GLIS3: variants seen among roughly 807,000 people sequenced by gnomAD.
GLIS3 encodes the protein zinc finger protein GLIS3.
Under a neutral mutation model 78.6 loss-of-function variants are expected in GLIS3, and 53 were observed. The observed-to-expected ratio is 0.67, with a 90% CI of 0.54 to 0.85. The LOEUF is 0.85. GLIS3 is among the 40% of genes least tolerant of loss of function. The pLI, the probability that GLIS3 is intolerant of heterozygous loss-of-function variation, is 0.00. For missense variants in GLIS3, 1,703 were observed against 1,231.1 expected (o/e 1.38, Z -5.74); for synonymous variants, 684 against 509.9 (o/e 1.34, Z -4.60).
intron 2 of GLIS3, among the ~76,000 whole-genome samples, chr9:4,315,617 A>G (rs1312692029): frequency 1.3e-5 from 2 of 152,104 alleles, no homozygotes; most frequent in African/African-American, 2.4e-5. Flanking sequence ...GAAGACATAC[A>G]CTCAGAACAC....
At chr9:3,881,704 G>A (rs1013001860) in intron 7 of GLIS3, among the ~76,000 whole-genome samples, 7 of 152,060 alleles carry the variant, frequency 4.6e-5, no homozygotes, top group East Asian at 1.9e-4. Context: ...TCATTCAGCC[G>A]TTATTTTTAT....
the GLIS3 span, among the ~76,000 whole-genome samples, chr9:4,407,279 T>A: frequency 1.3e-5 from 2 of 152,208 alleles, no homozygotes; most frequent in Non-Finnish European, 2.9e-5. Flanking sequence ...TCTCACCATA[T>A]ACAAAAATCA....
At chr9:4,372,185 G>C in the GLIS3 span, among the ~76,000 whole-genome samples, 1 of 152,200 alleles carries the variant, frequency 6.6e-6, no homozygotes, top group African/African-American at 2.4e-5. Flanking sequence ...GAAAGAGAGA[G>C]TGCCAGTTTC....
intron 8 of GLIS3, among the ~76,000 whole-genome samples, chr9:3,869,423 T>C (rs1820832135): frequency 6.6e-6 from 1 of 152,198 alleles, no homozygotes; most frequent in Non-Finnish European, 1.5e-5. Context: ...GTGAGAATGG[T>C]GAGTGTCAGG....
chr9:4,361,380 CCTTCTG>C, the GLIS3 span, among the ~76,000 whole-genome samples: 7 of 152,172 alleles, frequency 4.6e-5, no homozygotes, highest in Non-Finnish European at 8.8e-5. Context: ...TTCTCCTTCT[CCTTCTG>C]ACCAATCTTG....
At chr9:4,360,908 C>A in the GLIS3 span, among the ~76,000 whole-genome samples, 1 of 152,184 alleles carries the variant, frequency 6.6e-6, no homozygotes, top group African/African-American at 2.4e-5. Context: ...CAAGAGGAAA[C>A]AGAGGAATAT....
intron 4 of GLIS3, among the ~76,000 whole-genome samples, chr9:4,043,360 T>C (rs1455093908): frequency 6.6e-6 from 1 of 152,052 alleles, no homozygotes; most frequent in Admixed American, 6.6e-5. Context: ...ACACTGAGTT[T>C]TTTATGTATT....
the GLIS3 span, among the ~76,000 whole-genome samples, chr9:4,385,450 G>C: frequency 5.3e-4 from 80 of 152,118 alleles, no homozygotes; most frequent in African/African-American, 1.9e-3. Context: ...GATCACCTGA[G>C]GTCAGGAGTC....
intron 8 of GLIS3, among the ~76,000 whole-genome samples, chr9:3,869,562 C>T (rs1007141699): frequency 1.3e-5 from 2 of 152,166 alleles, no homozygotes; most frequent in East Asian, 1.9e-4. Context: ...TATCAAAGTA[C>T]GCAGGTTATA....
intron 2 of GLIS3, among the ~76,000 whole-genome samples, chr9:4,149,327 T>C (rs1035438127): frequency 3.9e-5 from 6 of 152,252 alleles, no homozygotes; most frequent in Admixed American, 2.0e-4. Context: ...TTGAAGACCA[T>C]ATTAACCTGC....
chr9:4,185,666 G>C (rs984106714), intron 2 of GLIS3, among the ~76,000 whole-genome samples: 5 of 152,174 alleles, frequency 3.3e-5, no homozygotes, highest in East Asian at 1.9e-4. Context: ...TTGAAGAAGG[G>C]AATCAGTCAA....
chr9:4,189,520 CA>C (rs1818130192), intron 2 of GLIS3, among the ~76,000 whole-genome samples: 1 of 152,112 alleles, frequency 6.6e-6, no homozygotes, highest in African/African-American at 2.4e-5. Context: ...CTGCTTGGTG[CA>C]GAGCTGAGTT....
intron 2 of GLIS3, among the ~76,000 whole-genome samples, chr9:4,174,797 G>A (rs922652724): frequency 1.3e-5 from 2 of 152,196 alleles, no homozygotes; most frequent in Non-Finnish European, 2.9e-5. Flanking sequence ...AGTACACGTT[G>A]ATTCCACTTT....
chr9:3,923,740 C>T (rs913620174), intron 6 of GLIS3, among the ~76,000 whole-genome samples: 3 of 152,306 alleles, frequency 2.0e-5, no homozygotes, highest in Non-Finnish European at 4.4e-5. Context: ...GTCTCCCATA[C>T]TAGGCTGCAG....
upstream of GLIS3, among the ~76,000 whole-genome samples, chr9:4,302,278 A>T (rs1817107479): frequency 6.6e-6 from 1 of 152,146 alleles, no homozygotes; most frequent in Admixed American, 6.5e-5. Flanking sequence ...ATAGGTGGGA[A>T]CTGCAGCCCA....
intron 2 of GLIS3, among the ~76,000 whole-genome samples, chr9:4,333,061 C>T (rs1817708398): frequency 6.6e-6 from 1 of 152,172 alleles, no homozygotes; most frequent in East Asian, 1.9e-4. Flanking sequence ...CCTTATGAGA[C>T]AGGTATTATC....
At chr9:3,853,883 G>GTGTT (rs1427995390) in intron 9 of GLIS3, among the ~76,000 whole-genome samples, 5 of 152,154 alleles carry the variant, frequency 3.3e-5, no homozygotes, top group African/African-American at 9.7e-5. Context: ...TAATCAAAAT[G>GTGTT]TGTTATACTG....
intron 9 of GLIS3, among the ~76,000 whole-genome samples, chr9:3,831,649 A>G (rs770176262): frequency 6.6e-5 from 10 of 152,246 alleles, no homozygotes; most frequent in Non-Finnish European, 1.3e-4. Context: ...TCTGAAGAAC[A>G]TTAAGAAATT....
chr9:4,247,626 T>C (rs539215899), intron 2 of GLIS3, among the ~76,000 whole-genome samples: 2 of 152,112 alleles, frequency 1.3e-5, no homozygotes, highest in East Asian at 1.9e-4. Context: ...CAATTTACCA[T>C]TTGGGGAAAG....
Sources: gnomAD v4.1 joint callset for allele counts (sites outside exome capture counted in the v4.1 genomes callset) on GRCh38, gnomAD v4.1.1 for gene constraint, MANE v1.5 for transcripts, NCBI Gene and HGNC (gene_info 2026-07-23, HGNC 2026-07-21) for gene names.